DMD: variants seen among roughly 807,000 people sequenced by gnomAD.
DMD encodes the protein mutant dystrophin.
Under a neutral mutation model 330.1 loss-of-function variants are expected in DMD, and 63 were observed. The ratio of observed to expected loss-of-function variants is 0.19; its 90% CI spans 0.16 to 0.24. The LOEUF (loss-of-function observed/expected upper bound fraction) is 0.24. Among genes scored for constraint, DMD ranks in the 10% least tolerant of loss-of-function variants. The pLI is 1.00. For missense variants in DMD, 3,344 were observed against 2,684.1 expected (o/e 1.25, Z -5.43); for synonymous variants, 1,223 against 959.8 (o/e 1.27, Z -5.07).
chrX:32,739,739 T>A (rs753534126), intron 7 of DMD, among the ~76,000 whole-genome samples: 1 of 110,923 alleles, frequency 9.0e-6, no homozygotes, highest in East Asian at 2.9e-4. Flanking sequence ...AGAGAAGAGC[T>A]TTTATACTTT....
intron 21 of DMD, among the ~76,000 whole-genome samples, chrX:32,477,683 G>C (rs1043915314): frequency 9.1e-6 from 1 of 110,231 alleles, no homozygotes; most frequent in African/African-American, 3.3e-5. Flanking sequence ...CATAACTATC[G>C]AGATAAAGAG....
chrX:32,542,902 T>C (rs1219532913), intron 17 of DMD, among the ~76,000 whole-genome samples: 1 of 111,865 alleles, frequency 8.9e-6, no homozygotes, highest in Non-Finnish European at 1.9e-5. Flanking sequence ...TATATAATTA[T>C]GCTGGGACAA....
chrX:33,187,061 T>A (rs1345759294), intron 1 of DMD, among the ~76,000 whole-genome samples: 1 of 112,053 alleles, frequency 8.9e-6, no homozygotes, highest in Non-Finnish European at 1.9e-5. Context: ...ATTTCTTAAT[T>A]TCCAAAAGAA....
At chrX:33,116,622 A>G (rs2095387175) in intron 1 of DMD, among the ~76,000 whole-genome samples, 1 of 112,081 alleles carries the variant, frequency 8.9e-6, no homozygotes, top group African/African-American at 3.2e-5. Flanking sequence ...ATTAGCAAGC[A>G]ATTATGTCGA....
chrX:32,391,375 C>T (rs866510827), intron 30 of DMD, among the ~76,000 whole-genome samples: 1 of 111,031 alleles, frequency 9.0e-6, no homozygotes, highest in African/African-American at 3.3e-5. Flanking sequence ...GTTTCCAGAG[C>T]GAACTATAGC....
intron 7 of DMD, among the ~76,000 whole-genome samples, chrX:32,767,174 C>T (rs767839635): frequency 7.8e-4 from 87 of 111,564 alleles, no homozygotes; most frequent in African/African-American, 2.4e-3. Context: ...TTTTGAGGCT[C>T]ATTTGCATAT....
chrX:31,980,838 C>A (rs2095471421), intron 44 of DMD, among the ~76,000 whole-genome samples: 1 of 111,832 alleles, frequency 8.9e-6, no homozygotes, highest in Non-Finnish European at 1.9e-5. Flanking sequence ...TCTGTTTCAT[C>A]TTATATAAAA....
intron 1 of DMD, among the ~76,000 whole-genome samples, chrX:33,230,854 G>T (rs753627238): frequency 9.0e-6 from 1 of 110,599 alleles, no homozygotes; most frequent in Non-Finnish European, 1.9e-5. Context: ...TAAGAGGTAG[G>T]TATGCAAAGA....
In DMD at chrX:33,074,605, AT is replaced by A. The variant is rs776767107; in HGVS notation, c.32-54406del. Among the ~76,000 whole-genome samples, 16 of 110,758 alleles carry A rather than the reference AT, an allele frequency of 1.4e-4. No homozygotes were observed. In the South Asian group the frequency reaches 3.1e-3, roughly 22 times the overall value. The stretch of plus-strand genomic sequence containing the variant: ...CCCTAATGGATTAATGAGTTAATGG[AT>A]TAATGCATTATCATGGGAATGGCAC... On this transcript the variant is annotated intron_variant, in intron 1 of 78. Coordinates refer to ENST00000357033, the MANE Select transcript of DMD (RefSeq NM_004006.3).
chrX:31,555,278 G>T (rs2074740645), intron 55 of DMD, among the ~76,000 whole-genome samples: 1 of 111,674 alleles, frequency 9.0e-6, no homozygotes, highest in East Asian at 2.8e-4. Flanking sequence ...TCAGTGGAAA[G>T]AGATACACAT....
chrX:31,166,276 CCT>C lies in DMD; in HGVS notation c.10553+3165_10553+3166del, dbSNP rs764626656. Among the ~76,000 whole-genome samples, 6 of 111,164 alleles carry C rather than the reference CCT, an allele frequency of 5.4e-5. No individual in the cohort carries two copies. In the South Asian group the frequency reaches 1.2e-3, roughly 22 times the overall value. ...TCTGAGACACTTCTCAAACAGCCAT[CCT>C]CTGTTTTTCTAGGGGGTTGTAGGGA... On this transcript the variant is annotated intron_variant, in intron 74 of 78. Coordinates refer to ENST00000357033, the MANE Select transcript of DMD (RefSeq NM_004006.3).
intron 1 of DMD, among the ~76,000 whole-genome samples, chrX:33,066,674 T>C (rs2094667049): frequency 9.1e-6 from 1 of 110,059 alleles, no homozygotes; most frequent in African/African-American, 3.3e-5. Context: ...CATTTAAACC[T>C]TTAATTCTGC....
chrX:31,536,865 T>C (rs72625589), intron 55 of DMD, among the ~76,000 whole-genome samples: 5,732 of 111,347 alleles, frequency 0.051, 200 homozygotes, highest in African/African-American at 0.13. Context: ...CTCTCTACCA[T>C]CTTCTTCTCA....
At chrX:31,315,487 A>G (rs2055928748) in intron 62 of DMD, among the ~76,000 whole-genome samples, 1 of 112,490 alleles carries the variant, frequency 8.9e-6, no homozygotes, top group Non-Finnish European at 1.9e-5. Context: ...GTTTTTTTCT[A>G]ACACGTGATT....
chrX:31,923,686 C>T (rs1178559374), intron 47 of DMD, among the ~76,000 whole-genome samples: 3 of 104,114 alleles, frequency 2.9e-5, no homozygotes, highest in Non-Finnish European at 5.8e-5. Flanking sequence ...CAACCTCCTA[C>T]TCCCTGGTTC....
intron 2 of DMD, among the ~76,000 whole-genome samples, chrX:32,899,110 A>G (rs754086286): frequency 8.9e-6 from 1 of 112,109 alleles, no homozygotes; most frequent in Non-Finnish European, 1.9e-5. Flanking sequence ...ATAGCTCTAC[A>G]TTCTGACATG....
intron 67 of DMD, among the ~76,000 whole-genome samples, chrX:31,200,991 C>T (rs1427482920): frequency 9.0e-6 from 1 of 111,661 alleles, no homozygotes; most frequent in Non-Finnish European, 1.9e-5. Flanking sequence ...CCACCTGTTA[C>T]CACCATTCAT....
At chrX:32,610,193 G>T (rs1348546466) in intron 12 of DMD, among the ~76,000 whole-genome samples, 1 of 110,735 alleles carries the variant, frequency 9.0e-6, no homozygotes, top group Non-Finnish European at 1.9e-5. Flanking sequence ...GGTTCGATTT[G>T]TTTACTCCCC....
chrX:32,890,676 A>T (rs2085117836), intron 2 of DMD, among the ~76,000 whole-genome samples: 1 of 111,885 alleles, frequency 8.9e-6, no homozygotes, highest in East Asian at 2.8e-4. Context: ...TCTAAAAAAA[A>T]GAAATTCGGG....
Sources: gnomAD v4.1 joint callset for allele counts (sites outside exome capture counted in the v4.1 genomes callset) on GRCh38, gnomAD v4.1.1 for gene constraint, MANE v1.5 for transcripts, NCBI Gene and HGNC (gene_info 2026-07-23, HGNC 2026-07-21) for gene names.